SCN11A: variants seen among roughly 807,000 people sequenced by gnomAD.
The protein encoded by SCN11A is sodium channel protein type 11 subunit alpha.
A neutral mutation model predicts 162.2 loss-of-function variants in SCN11A; 122 were observed. That is an observed-to-expected ratio of 0.75 (90% CI 0.65 to 0.87). The LOEUF is 0.87. SCN11A is among the 40% of genes least tolerant of loss of function. SCN11A has a pLI of 0.00. For synonymous variants in SCN11A, 758 were observed against 751.5 expected, an observed-to-expected ratio of 1.01 and a Z score of -0.14; for missense variants, 2,015 against 2,181.6, an observed-to-expected ratio of 0.92 and a Z score of 1.52.
chr3:38,883,485 G>A (rs575633395), intron 21 of SCN11A, 98 bp from the exon 22 acceptor site: 2 of 1,116,618 alleles, frequency 1.8e-6, no homozygotes, highest in Non-Finnish European at 2.6e-6. Flanking sequence ...CCCTTGCCAT[G>A]CGACCTGCAG....
chr3:38,975,795 G>T (rs1028733512), intron 2 of SCN11A, among the ~76,000 whole-genome samples: 1 of 152,172 alleles, frequency 6.6e-6, no homozygotes, highest in Non-Finnish European at 1.5e-5. Flanking sequence ...GAGACAGAAA[G>T]TAAAATGGTA....
At chr3:39,013,038 C>T (rs1367707771) in intron 2 of SCN11A, among the ~76,000 whole-genome samples, 1 of 152,020 alleles carries the variant, frequency 6.6e-6, no homozygotes, top group African/African-American at 2.4e-5. Context: ...TTTATAAATG[C>T]AAGATAAATG....
At chr3:38,870,345 T>A in intron 26 of SCN11A, among the ~76,000 whole-genome samples, 1 of 152,182 alleles carries the variant, frequency 6.6e-6, no homozygotes, top group East Asian at 1.9e-4. Flanking sequence ...TCTTTGAAAT[T>A]TGGTTTCTGA....
intron 2 of SCN11A, among the ~76,000 whole-genome samples, chr3:39,024,950 T>C (rs7431907): frequency 0.012 from 1,791 of 152,318 alleles, 42 homozygotes; most frequent in African/African-American, 0.041. Flanking sequence ...ACACATTACA[T>C]AAATTTGTAT....
At chr3:39,046,794 C>G (rs1575373540) in intron 1 of SCN11A, among the ~76,000 whole-genome samples, 1 of 152,180 alleles carries the variant, frequency 6.6e-6, no homozygotes, top group East Asian at 1.9e-4. Flanking sequence ...GATCTCTGCT[C>G]ACTGCAGCCT....
chr3:38,964,251 T>C (rs1356117788), intron 2 of SCN11A, among the ~76,000 whole-genome samples: 1 of 152,204 alleles, frequency 6.6e-6, no homozygotes, highest in Non-Finnish European at 1.5e-5. Flanking sequence ...CCTGCCAGTC[T>C]CAGTTCTGCC....
chr3:38,985,639 G>C (rs2030214220), intron 2 of SCN11A, among the ~76,000 whole-genome samples: 1 of 151,034 alleles, frequency 6.6e-6, no homozygotes, highest in African/African-American at 2.5e-5. Flanking sequence ...GAGGGGAAGA[G>C]TATAATCAAG....
At chr3:38,893,783 G>C (rs528001808) in intron 19 of SCN11A, among the ~76,000 whole-genome samples, 5 of 151,572 alleles carry the variant, frequency 3.3e-5, no homozygotes, top group African/African-American at 1.2e-4. Flanking sequence ...GAAATCATAA[G>C]AAGAATTAGA....
intron 4 of SCN11A, among the ~76,000 whole-genome samples, chr3:38,952,835 C>T (rs1054144689): frequency 6.6e-6 from 1 of 152,148 alleles, no homozygotes; most frequent in Admixed American, 6.5e-5. Context: ...TGAGAAAGAA[C>T]ATGATGTCCA....
chr3:38,860,363 A>G (rs2064944038), intron 28 of SCN11A, among the ~76,000 whole-genome samples: 1 of 152,090 alleles, frequency 6.6e-6, no homozygotes, highest in Non-Finnish European at 1.5e-5. Flanking sequence ...AAAGATAGAG[A>G]AAGAGGGAAT....
chr3:38,984,899 A>T (rs1347467867), intron 2 of SCN11A, among the ~76,000 whole-genome samples: 1 of 141,882 alleles, frequency 7.0e-6, no homozygotes, highest in East Asian at 1.9e-4. Flanking sequence ...AAAGACCTTG[A>T]CTCAGAAACA....
chr3:38,911,425 G>A (rs2125539394), intron 11 of SCN11A, among the ~76,000 whole-genome samples: 1 of 152,084 alleles, frequency 6.6e-6, no homozygotes, highest in South Asian at 2.1e-4. Context: ...ACCTTCTTTT[G>A]CCCATTAGTT....
intron 1 of SCN11A, among the ~76,000 whole-genome samples, chr3:39,047,566 A>G (rs1052257318): frequency 2.0e-5 from 3 of 152,226 alleles, no homozygotes; most frequent in Non-Finnish European, 2.9e-5. Context: ...ACAGAAAAGG[A>G]AACAATCAAT....
At chr3:38,920,784 A>C (rs540320563) in intron 10 of SCN11A, among the ~76,000 whole-genome samples, 12 of 152,298 alleles carry the variant, frequency 7.9e-5, no homozygotes, top group Admixed American at 2.6e-4. Flanking sequence ...GCATTCTAAA[A>C]ACTTCTGCAA....
intron 16 of SCN11A, 40 bp from the exon 17 acceptor site, chr3:38,900,113 GAGAT>G: frequency 6.5e-7 from 1 of 1,536,302 alleles, no homozygotes; most frequent in Non-Finnish European, 9.0e-7. Context: ...GGAAGCTGCG[GAGAT>G]AACACTTTTA....
intron 11 of SCN11A, among the ~76,000 whole-genome samples, chr3:38,914,875 T>C (rs571009768): frequency 6.6e-6 from 1 of 152,208 alleles, no homozygotes; most frequent in Admixed American, 6.5e-5. Context: ...CTGGATTAGG[T>C]TTGCAAGTAT....
intron 2 of SCN11A, among the ~76,000 whole-genome samples, chr3:38,979,981 T>G (rs1279028192): frequency 6.6e-6 from 1 of 152,214 alleles, no homozygotes; most frequent in Non-Finnish European, 1.5e-5. Context: ...CTTGTTGTTC[T>G]GTGGTCACCC....
rs6809179 is a variant in SCN11A at position 38,899,975 on chromosome 3, A to T, written c.1941T>A (p.Ile647=). The stretch of plus-strand genomic sequence containing the variant: ...CATCTGCAAAACTCAGAAGAGCAAC[A>T]ATGCTGTCAAAAATGTTCCAGCCTC... ...FRRGWNIFDS[I]VALLSFADVM... is the part of the protein sequence containing the mutation. Residue 647 remains isoleucine, a synonymous_variant, in exon 17 of 30, where the codon ATT becomes ATA. Transcript: ENST00000302328. The T allele has an allele frequency of 0.011, 18,454 of 1,614,052 alleles. 1,459 individuals carry two copies. In the African/African-American group the frequency reaches 0.19, roughly 17 times the overall value.
chr3:38,937,303 T>C (rs867970256), intron 7 of SCN11A, among the ~76,000 whole-genome samples: 1,845 of 150,936 alleles, frequency 0.012, 33 homozygotes, highest in African/African-American at 0.042. Flanking sequence ...ATTCAGGACA[T>C]AGGCATGGGC....
Sources: gnomAD v4.1 joint callset for allele counts (sites outside exome capture counted in the v4.1 genomes callset) on GRCh38, gnomAD v4.1.1 for gene constraint, MANE v1.5 for transcripts, NCBI Gene and HGNC (gene_info 2026-07-23, HGNC 2026-07-21) for gene names.